The following GATAD2A variants were observed in gnomAD, a reference collection of about 807,000 sequenced individuals.
The protein encoded by GATAD2A is GATA zinc finger domain containing 2A.
A neutral mutation model predicts 68.5 loss-of-function variants in GATAD2A; 12 were observed. The observed-to-expected ratio is 0.18, with a 90% confidence interval of 0.11 to 0.28. The LOEUF (loss-of-function observed/expected upper bound fraction) is 0.28, where lower values mean the gene tolerates loss of function less well. Among genes scored for constraint, GATAD2A ranks in the 10% least tolerant of loss-of-function variants. GATAD2A has a pLI of 1.00. For synonymous variants in GATAD2A, 410 were observed against 375.3 expected (o/e 1.09, Z -1.07); for missense variants, 755 against 868.5 (o/e 0.87, Z 1.64).
At chr19:19,491,137 G>T (rs2059765532) in intron 2 of GATAD2A, among the ~76,000 whole-genome samples, 1 of 152,160 alleles carries the variant, frequency 6.6e-6, no homozygotes, top group South Asian at 2.1e-4. Context: ...GACTTGGGGT[G>T]CCTTGAGCAC....
intron 1 of GATAD2A, among the ~76,000 whole-genome samples, chr19:19,458,158 G>C (rs577790852): frequency 1.4e-4 from 22 of 152,226 alleles, no homozygotes; most frequent in Non-Finnish European, 3.1e-4. Flanking sequence ...GCGTCAGCCA[G>C]TGAGTAGTAG....
intron 1 of GATAD2A, among the ~76,000 whole-genome samples, chr19:19,428,536 A>T (rs1388957894): frequency 6.6e-6 from 1 of 152,176 alleles, no homozygotes; most frequent in Non-Finnish European, 1.5e-5. Flanking sequence ...CATTGGGCCC[A>T]CTGTTTAACT....
At chr19:19,416,232 G>A (rs1333398184) in intron 1 of GATAD2A, among the ~76,000 whole-genome samples, 1 of 152,238 alleles carries the variant, frequency 6.6e-6, no homozygotes, top group African/African-American at 2.4e-5. Context: ...ATCAGGTCCT[G>A]CACTGGGCTC....
intron 1 of GATAD2A, chr19:19,458,530 T>A (rs2057143509): frequency 6.6e-6 from 1 of 152,244 alleles, no homozygotes; most frequent in Non-Finnish European, 1.5e-5. Context: ...AAAAAAAGTT[T>A]CTGCCATTGA....
At chr19:19,487,750 C>T (rs1268292052) in intron 2 of GATAD2A, among the ~76,000 whole-genome samples, 1 of 152,092 alleles carries the variant, frequency 6.6e-6, no homozygotes. Flanking sequence ...CCCAGGAGGG[C>T]GGGGGATGTT....
At chr19:19,441,231 C>T (rs1467539427) in intron 1 of GATAD2A, among the ~76,000 whole-genome samples, 1 of 152,020 alleles carries the variant, frequency 6.6e-6, no homozygotes, top group Non-Finnish European at 1.5e-5. Flanking sequence ...TTAAAATCTT[C>T]AGCTGTTTTT....
chr19:19,389,600 G>C (rs1354449374), intron 1 of GATAD2A, among the ~76,000 whole-genome samples: 1 of 152,158 alleles, frequency 6.6e-6, no homozygotes, highest in Non-Finnish European at 1.5e-5. Flanking sequence ...GTCAAGTCCA[G>C]GCAGGAGGCT....
At chr19:19,387,364 G>T (rs1185644187) in intron 1 of GATAD2A, among the ~76,000 whole-genome samples, 1 of 148,888 alleles carries the variant, frequency 6.7e-6, no homozygotes, top group African/African-American at 2.5e-5. Flanking sequence ...CCGTCTCCCA[G>T]GCTGGAGTGC....
At chr19:19,455,218 G>A (rs575210711) in intron 1 of GATAD2A, among the ~76,000 whole-genome samples, 4 of 152,200 alleles carry the variant, frequency 2.6e-5, no homozygotes, top group African/African-American at 4.8e-5. Context: ...GGCTGGGCAC[G>A]GTGACTCACA....
intron 1 of GATAD2A, among the ~76,000 whole-genome samples, chr19:19,449,818 A>T (rs1600155855): frequency 6.6e-6 from 1 of 152,228 alleles, no homozygotes; most frequent in Non-Finnish European, 1.5e-5. Context: ...AATTGATTTT[A>T]AAAAATATTT....
At chr19:19,450,705 A>G (rs1038710532) in intron 1 of GATAD2A, among the ~76,000 whole-genome samples, 1 of 148,922 alleles carries the variant, frequency 6.7e-6, no homozygotes, top group Non-Finnish European at 1.5e-5. Flanking sequence ...TGGCCTCTGT[A>G]CTGGGATGCT....
chr19:19,402,701 A>G (rs2049864638), upstream of GATAD2A: 2 of 150,158 alleles, frequency 1.3e-5, no homozygotes, highest in African/African-American at 4.9e-5. Context: ...AAAAAAAAAA[A>G]GAAAAAAAGA....
At chr19:19,476,492 C>G (rs1258821724) in intron 2 of GATAD2A, among the ~76,000 whole-genome samples, 4 of 152,250 alleles carry the variant, frequency 2.6e-5, no homozygotes, top group African/African-American at 4.8e-5. Context: ...CAGCACTCCG[C>G]TGTGCCCACT....
intron 1 of GATAD2A, among the ~76,000 whole-genome samples, chr19:19,416,961 C>T (rs1265999432): frequency 6.6e-6 from 1 of 152,056 alleles, no homozygotes; most frequent in Non-Finnish European, 1.5e-5. Context: ...AGGGTTTCAC[C>T]ATGTTGGCCA....
At chr19:19,466,546 A>G (rs1467356472) in intron 2 of GATAD2A, among the ~76,000 whole-genome samples, 1 of 152,196 alleles carries the variant, frequency 6.6e-6, no homozygotes. Context: ...CTAACCCCAC[A>G]GGATGACCCC....
intron 1 of GATAD2A, among the ~76,000 whole-genome samples, chr19:19,398,713 G>A (rs189666953): frequency 6.6e-6 from 1 of 151,946 alleles, no homozygotes; most frequent in African/African-American, 2.4e-5. Flanking sequence ...TGAGGTGGGT[G>A]GATCACCTGA....
At chr19:19,435,260 C>T (rs527760468) in intron 1 of GATAD2A, 13 of 414,760 alleles carry the variant, frequency 3.1e-5, no homozygotes, top group Admixed American at 6.9e-5. Flanking sequence ...CTCACTCTGT[C>T]GCCCAGGTTG....
At chr19:19,415,534 C>G (rs994743089) in intron 1 of GATAD2A, among the ~76,000 whole-genome samples, 1 of 151,726 alleles carries the variant, frequency 6.6e-6, no homozygotes, top group African/African-American at 2.4e-5. Context: ...ACTGTAACCT[C>G]CGCTTCCCAG....
intron 1 of GATAD2A, among the ~76,000 whole-genome samples, chr19:19,408,688 A>G (rs1341265031): frequency 1.3e-5 from 2 of 152,240 alleles, no homozygotes; most frequent in African/African-American, 2.4e-5. Context: ...ATCAGAGTGC[A>G]TACTGTGCCT....
Sources: allele counts gnomAD v4.1 joint callset (sites outside exome capture counted in the v4.1 genomes callset), GRCh38; gene constraint gnomAD v4.1.1; transcripts MANE v1.5; gene names NCBI Gene and HGNC (gene_info 2026-07-23, HGNC 2026-07-21).